Variants in USP6 observed in about 807,000 individuals in gnomAD.
USP6 encodes ubiquitin specific peptidase 6.
Under a neutral mutation model 175.7 loss-of-function variants are expected in USP6, and 128 were observed. The observed-to-expected ratio is 0.73, with a 90% CI of 0.63 to 0.84. The LOEUF (loss-of-function observed/expected upper bound fraction) is 0.84, where lower values mean the gene tolerates loss of function less well. Among genes scored for constraint, USP6 ranks in the 40% least tolerant of loss-of-function variants. The pLI is 0.00. For synonymous variants in USP6, 562 were observed against 630.6 expected (o/e 0.89, Z 1.63); for missense variants, 1,498 against 1,760.3 (o/e 0.85, Z 2.67).
At chr17:5,135,014 T>C in intron 15 of USP6, 1 of 510,954 alleles carries the variant, frequency 2.0e-6, no homozygotes, top group South Asian at 1.9e-5. Context: ...TCATTCAGCG[T>C]GAAAAGGATC....
intron 14 of USP6, 41 bp downstream of exon 14, chr17:5,133,591 CAG>C (rs780365143): frequency 1.6e-5 from 25 of 1,520,192 alleles, no homozygotes; most frequent in Non-Finnish European, 2.2e-5. Context: ...CAGGCCGTGT[CAG>C]GGGCCCAGGT....
chr17:5,141,050 G>C (rs1481942848), intron 22 of USP6, among the ~76,000 whole-genome samples: 2 of 152,140 alleles, frequency 1.3e-5, no homozygotes, highest in African/African-American at 4.8e-5. Flanking sequence ...TTATAATACT[G>C]TATTTTTAGT....
intron 25 of USP6, 80 bp downstream of exon 25, chr17:5,142,582 T>C (rs2073479813): frequency 1.8e-5 from 26 of 1,485,622 alleles, no homozygotes; most frequent in Non-Finnish European, 2.2e-5. Flanking sequence ...TTTTTTGTGT[T>C]TAGCCTTTTA....
At chr17:5,131,858 G>A (rs2073078503) in intron 11 of USP6, among the ~76,000 whole-genome samples, 1 of 152,056 alleles carries the variant, frequency 6.6e-6, no homozygotes, top group Non-Finnish European at 1.5e-5. Context: ...TGCAGGGTGT[G>A]TGGCTCAGAT....
chr17:5,156,614 A>G (rs1165943528), intron 31 of USP6, among the ~76,000 whole-genome samples: 1 of 151,792 alleles, frequency 6.6e-6, no homozygotes, highest in Non-Finnish European at 1.5e-5. Context: ...CCTGTAGATC[A>G]TTTTCTTGCC....
chr17:5,120,164 G>A (rs1394950221), intron 2 of USP6, among the ~76,000 whole-genome samples: 1 of 152,166 alleles, frequency 6.6e-6, no homozygotes, highest in Non-Finnish European at 1.5e-5. Context: ...CTTTGAGGCT[G>A]GTTATACATT....
intron 21 of USP6, among the ~76,000 whole-genome samples, chr17:5,138,813 A>G (rs886685933): frequency 6.6e-6 from 1 of 152,208 alleles, no homozygotes; most frequent in Non-Finnish European, 1.5e-5. Context: ...GGGAACGGTC[A>G]GTCCTGGCAT....
intron 33 of USP6, among the ~76,000 whole-genome samples, chr17:5,167,655 T>C (rs1170592279): frequency 6.6e-6 from 1 of 151,976 alleles, no homozygotes; most frequent in Non-Finnish European, 1.5e-5. Flanking sequence ...TGCGCCACAA[T>C]GCCCAGCTAA....
Position 5,137,770 on chromosome 17 carries a change from G to A in USP6, c.925+20G>A, listed in dbSNP as rs771033692. Reference sequence around the variant, plus strand: ...AGCAGAGTAAGTCTACGTGTGCCCAGTGGGGCCTGGGGAGCCCTGCAGTCA... The same window carrying A: ...AGCAGAGTAAGTCTACGTGTGCCCAATGGGGCCTGGGGAGCCCTGCAGTCA... On this transcript the variant is annotated intron_variant, in intron 20 of 37. Coordinates refer to ENST00000574788, the MANE Select transcript of USP6 (RefSeq NM_001304284.2). 8 of 1,605,892 alleles carry A rather than the reference G, an allele frequency of 5.0e-6. No homozygotes were observed. The highest frequency in any genetic ancestry group is 4.4e-5 in the South Asian group (4 of 91,038).
intron 21 of USP6, 51 bp from the exon 22 acceptor site, chr17:5,139,204 A>C: frequency 1.9e-6 from 3 of 1,598,496 alleles, no homozygotes; most frequent in Non-Finnish European, 2.5e-6. Context: ...CAGCCCGGAA[A>C]GGCCTGCATG....
intron 4 of USP6, among the ~76,000 whole-genome samples, chr17:5,123,663 T>C (rs1481211845): frequency 6.6e-6 from 1 of 152,118 alleles, no homozygotes; most frequent in Admixed American, 6.5e-5. Flanking sequence ...GAACGCATAC[T>C]CACACGTTCC....
intron 2 of USP6, among the ~76,000 whole-genome samples, chr17:5,118,646 G>T (rs964091410): frequency 2.0e-5 from 3 of 152,226 alleles, no homozygotes; most frequent in African/African-American, 7.2e-5. Context: ...AACTTGGTGG[G>T]TCCCAAGCTC....
In USP6 at chr17:5,121,462, A is replaced by C. The variant is rs1357331825; in HGVS notation, c.-1587A>C. 1 of 264,564 alleles carries C rather than the reference A, an allele frequency of 3.8e-6. No homozygotes were observed. The highest frequency in any genetic ancestry group is 2.2e-5 in the African/African-American group (1 of 44,824). The allele number at this position is 264,564 out of a possible 1,614,324, so 16.4% of individuals were successfully genotyped here. A position where few individuals can be genotyped will look rare whatever the true frequency, so the allele number is the denominator to read the frequency against. ...GATATGGAGCTCTACATCTCTGTGC[A>C]GAACCTGAGCCATCCCAGCTCAGCA... On this transcript the variant is annotated 5_prime_UTR_variant, in exon 4 of 38. Coordinates refer to ENST00000574788, the MANE Select transcript of USP6 (RefSeq NM_001304284.2).
chr17:5,167,826 T>C, intron 33 of USP6, 106 bp from the exon 34 acceptor site: 1 of 1,365,980 alleles, frequency 7.3e-7, no homozygotes, highest in Non-Finnish European at 1.0e-6. Context: ...TTTTTCCTTA[T>C]AAAGAGTAAA....
intron 11 of USP6, 99 bp downstream of exon 11, chr17:5,130,783 C>T (rs2073042466): frequency 8.2e-6 from 12 of 1,465,568 alleles, no homozygotes; most frequent in South Asian, 3.5e-5. Context: ...GGACATGTCT[C>T]GCTAGGTCGG....
At chr17:5,158,822 A>G (rs1266854081) in intron 31 of USP6, among the ~76,000 whole-genome samples, 1 of 152,188 alleles carries the variant, frequency 6.6e-6, no homozygotes, top group Admixed American at 6.5e-5. Context: ...GATCTTTGTG[A>G]AAGCTATTTT....
chr17:5,145,477 G>A lies in USP6; in HGVS notation c.2065G>A (p.Val689Ile). 1 of 1,612,936 alleles carries A rather than the reference G, an allele frequency of 6.2e-7. No homozygotes were observed. Among genetic ancestry groups the A allele is most frequent in the Non-Finnish European group, 8.5e-7 (1 of 1,179,482 alleles). The change falls in exon 27 of 38, where the codon GTC (valine) becomes ATC (isoleucine). Residue 689 changes from valine to isoleucine, a missense_variant. This residue lies in a region of USP6 where 1,217 missense variants were observed against 1,500.8 expected (regional missense o/e 0.81). Coordinates refer to ENST00000574788, the MANE Select transcript of USP6 (RefSeq NM_001304284.2). ...DLFHGQLRSQ[V>I]KCKTCGHISV... ...GTTCCATGGGCAGCTAAGATCTCAA[G>A]TCAAATGCAAGACATGTGGGCATAT... is the stretch of plus-strand genomic sequence containing the variant.
At chr17:5,119,044 G>A (rs1338809834) in intron 2 of USP6, among the ~76,000 whole-genome samples, 5 of 152,158 alleles carry the variant, frequency 3.3e-5, no homozygotes, top group African/African-American at 4.8e-5. Flanking sequence ...GGTTTCACTG[G>A]GGGCCTGCCA....
At position 5,174,660 on chromosome 17, in the gene USP6, T is replaced by G. The variant is rs1158353117; in HGVS notation, c.*1682T>G. 1 of 198,686 alleles carries G rather than the reference T, an allele frequency of 5.0e-6. No individual in the cohort carries two copies. Among genetic ancestry groups the G allele is most frequent in the Non-Finnish European group, 1.0e-5 (1 of 95,886 alleles). The allele number at this position is 198,686 out of a possible 1,614,324, so 12.3% of individuals were successfully genotyped here. On this transcript the variant is annotated 3_prime_UTR_variant, in exon 38 of 38. Coordinates refer to ENST00000574788, the MANE Select transcript of USP6 (RefSeq NM_001304284.2). ...AAGTGGAAGATTTTAAATAATTTCT[T>G]TACAGATGTTTTATTTAAACAGGTA...
Sources: allele counts gnomAD v4.1 joint callset (sites outside exome capture counted in the v4.1 genomes callset), GRCh38; gene constraint gnomAD v4.1.1; regional missense constraint gnomAD v4.1.1; transcripts MANE v1.5; gene names NCBI Gene and HGNC (gene_info 2026-07-23, HGNC 2026-07-21).